The following CALN1 variants were observed in gnomAD, a reference collection of about 807,000 sequenced individuals.
CALN1 encodes the protein calneuron 1, also known as calcium-binding protein 8.
Under a neutral mutation model 30.6 loss-of-function variants are expected in CALN1, and 17 were observed. That is an observed-to-expected ratio of 0.56 (90% CI 0.38 to 0.83). The LOEUF (loss-of-function observed/expected upper bound fraction) is 0.83. CALN1 is among the 40% of genes least tolerant of loss of function. The pLI is 0.00. For missense variants in CALN1, 291 were observed against 354.9 expected (o/e 0.82, Z 1.45); for synonymous variants, 156 against 131.4 (o/e 1.19, Z -1.28).
At chr7:71,821,435 T>C (rs1252880118) in intron 5 of CALN1, among the ~76,000 whole-genome samples, 3 of 152,088 alleles carry the variant, frequency 2.0e-5, no homozygotes, top group Non-Finnish European at 4.4e-5. Flanking sequence ...GAAAGTCATG[T>C]CTTACATGGC....
rs147220268 is a variant in CALN1, at chr7:72,357,166, G to C, written c.119+46085C>G. On this transcript the variant is annotated intron_variant, in intron 2 of 6. Coordinates refer to ENST00000395275, the MANE Select transcript of CALN1 (RefSeq NM_031468.4). ...AATGCCAAGGAATACTTGCCAGATA[G>C]AATACAACTTGAACCAAAATGAAAT... Among the ~76,000 whole-genome samples, 55 of 152,074 alleles carry C rather than the reference G, an allele frequency of 3.6e-4. 2 individuals carry two copies. The highest frequency in any genetic ancestry group is 1.3e-3 in the African/African-American group (52 of 41,338).
chr7:72,281,227 G>A (rs1321009269), intron 2 of CALN1, among the ~76,000 whole-genome samples: 5 of 151,998 alleles, frequency 3.3e-5, no homozygotes, highest in Non-Finnish European at 7.4e-5. Context: ...TTCTGCTACA[G>A]GACGACACAG....
intron 6 of CALN1, among the ~76,000 whole-genome samples, chr7:71,790,384 G>GA (rs377140967): frequency 0.17 from 17,475 of 102,734 alleles, 1,656 homozygotes; most frequent in East Asian, 0.43. Context: ...AAGAAAGAAA[G>GA]AAAGAAAGAA....
At chr7:72,206,114 T>G (rs1290114781) in intron 3 of CALN1, among the ~76,000 whole-genome samples, 1 of 152,198 alleles carries the variant, frequency 6.6e-6, no homozygotes, top group East Asian at 1.9e-4. Flanking sequence ...TTTGTTTTTG[T>G]TTTTTGAATA....
At chr7:71,801,613 C>T (rs1452602381) in intron 6 of CALN1, among the ~76,000 whole-genome samples, 1 of 152,010 alleles carries the variant, frequency 6.6e-6, no homozygotes, top group Non-Finnish European at 1.5e-5. Flanking sequence ...CTCTCAGGGC[C>T]ATGCAGAGGG....
intron 2 of CALN1, among the ~76,000 whole-genome samples, chr7:72,398,025 C>A (rs1806094520): frequency 6.6e-6 from 1 of 152,096 alleles, no homozygotes; most frequent in Admixed American, 6.6e-5. Context: ...AAGAGCCAAG[C>A]ATTGTGGGGA....
rs751196795 is a variant in CALN1 at position 71,782,018 on chromosome 7, G to A, written c.*5757C>T. The A allele has an allele frequency of 3.9e-5, 6 of 152,042 alleles. No individual in the cohort carries two copies. Among genetic ancestry groups the A allele is most frequent in the Non-Finnish European group, 7.3e-5 (5 of 68,030 alleles). 9.4% of individuals were successfully genotyped at this position (152,042 alleles called of 1,614,324 possible). On this transcript the variant is annotated 3_prime_UTR_variant, in exon 7 of 7. Coordinates refer to ENST00000395275, the MANE Select transcript of CALN1 (RefSeq NM_031468.4). ...TGAAGAGTCCCAAATGAATATGAAG[G>A]AGAAACCACAGCTGTCAAAATGACC...
intron 2 of CALN1, among the ~76,000 whole-genome samples, chr7:72,393,372 G>A (rs1805704730): frequency 6.6e-6 from 1 of 152,164 alleles, no homozygotes; most frequent in African/African-American, 2.4e-5. Flanking sequence ...GCTGAGGCAG[G>A]AGAATGGCGT....
intron 2 of CALN1, among the ~76,000 whole-genome samples, chr7:72,293,090 T>C (rs1798607125): frequency 6.6e-6 from 1 of 152,156 alleles, no homozygotes; most frequent in East Asian, 1.9e-4. Context: ...CTAACTGATT[T>C]TATTCGTCAG....
At chr7:72,181,215 A>AAT (rs1789782012) in intron 3 of CALN1, among the ~76,000 whole-genome samples, 1 of 147,892 alleles carries the variant, frequency 6.8e-6, no homozygotes, top group Non-Finnish European at 1.5e-5. Flanking sequence ...AACTTATTGG[A>AAT]ATATATATAA....
At chr7:71,966,447 C>T (rs534601344) in intron 5 of CALN1, among the ~76,000 whole-genome samples, 94 of 152,126 alleles carry the variant, frequency 6.2e-4, no homozygotes, top group Non-Finnish European at 1.2e-3. Context: ...GATTTAGCAT[C>T]ATCCTTCTGG....
intron 1 of CALN1, among the ~76,000 whole-genome samples, chr7:72,421,573 C>CTTTTTTTTTTT (rs772198450): frequency 3.4e-5 from 2 of 58,624 alleles, no homozygotes; most frequent in African/African-American, 8.5e-5. Context: ...TTTTATCCTA[C>CTTTTTTTTTTT]TTTTTTTTTT....
At chr7:71,827,508 C>T (rs1374691427) in intron 5 of CALN1, among the ~76,000 whole-genome samples, 4 of 152,064 alleles carry the variant, frequency 2.6e-5, no homozygotes, top group Admixed American at 6.6e-5. Flanking sequence ...TGGTGGCTCA[C>T]GCCTGTAATC....
chr7:71,999,895 A>G (rs1385340401), intron 5 of CALN1, among the ~76,000 whole-genome samples: 1 of 152,164 alleles, frequency 6.6e-6, no homozygotes, highest in Non-Finnish European at 1.5e-5. Flanking sequence ...AAAGATATAA[A>G]TAACTGAAAT....
chr7:72,009,266 A>T (rs529200371), intron 5 of CALN1, among the ~76,000 whole-genome samples: 1 of 152,344 alleles, frequency 6.6e-6, no homozygotes, highest in African/African-American at 2.4e-5. Context: ...TCAAGAACTA[A>T]CAATGACACT....
intron 5 of CALN1, among the ~76,000 whole-genome samples, chr7:71,955,489 A>T (rs1796913459): frequency 6.6e-6 from 1 of 152,120 alleles, no homozygotes; most frequent in Admixed American, 6.6e-5. Flanking sequence ...TCCCTAAGTG[A>T]GAACTGCAAG....
chr7:72,009,842 G>A (rs1399582271), intron 5 of CALN1, among the ~76,000 whole-genome samples: 4 of 152,152 alleles, frequency 2.6e-5, no homozygotes, highest in Non-Finnish European at 5.9e-5. Flanking sequence ...CCCCAGCCAC[G>A]TGGAAACGTA....
intron 5 of CALN1, among the ~76,000 whole-genome samples, chr7:71,964,764 GCCTGTTT>G (rs749888227): frequency 3.9e-5 from 6 of 152,120 alleles, no homozygotes; most frequent in Non-Finnish European, 8.8e-5. Flanking sequence ...AAAAATGCAT[GCCTGTTT>G]CCCTCTGTAT....
At chr7:72,221,311 T>A (rs1458734465) in intron 3 of CALN1, among the ~76,000 whole-genome samples, 1 of 133,010 alleles carries the variant, frequency 7.5e-6, no homozygotes, top group Non-Finnish European at 1.6e-5. Flanking sequence ...AGTCTTGGCT[T>A]CTTTTTTTTT....
Sources: allele counts gnomAD v4.1 joint callset (sites outside exome capture counted in the v4.1 genomes callset), GRCh38; gene constraint gnomAD v4.1.1; transcripts MANE v1.5; gene names NCBI Gene and HGNC (gene_info 2026-07-23, HGNC 2026-07-21).